BNIP3: variants seen among roughly 807,000 people sequenced by gnomAD.
The protein encoded by BNIP3 is BCL2/adenovirus E1B 19 kDa protein-interacting protein 3.
BNIP3 carries 16 observed loss-of-function variants against 23.9 expected under a neutral mutation model. The ratio of observed to expected loss-of-function variants is 0.67; its 90% CI spans 0.45 to 1.01. The LOEUF is 1.01. Ranked by LOEUF, BNIP3 falls within the 50% of genes least tolerant of loss-of-function variation. The pLI is 0.00. For missense variants in BNIP3, 198 were observed against 248.7 expected (o/e 0.80, Z 1.37); for synonymous variants, 81 against 89.3 (o/e 0.91, Z 0.53).
At position 131,970,900 on chromosome 10, in the gene BNIP3, C is replaced by T. The variant is rs2037026164; in HGVS notation, c.353G>A (p.Trp118Ter). 1 of 1,614,150 alleles carries T rather than the reference C, an allele frequency of 6.2e-7. No homozygotes were observed. The highest frequency in any genetic ancestry group is 1.7e-5 in the Admixed American group (1 of 60,014). The change falls in exon 4 of 6, where the codon TGG (tryptophan) becomes TAG (stop). Residue 118 changes from tryptophan (W) to a stop codon, truncating the protein, a stop_gained. Coordinates refer to ENST00000368636, the MANE Select transcript of BNIP3 (RefSeq NM_004052.4). LOFTEE classifies it high-confidence loss of function. The surrounding 1 kb of genome is among the most constrained non-coding windows in gnomAD (Gnocchi z 4.1). The part of the protein sequence containing the change: ...SILKKNSDWI[W>*]DWSSRPENIP... ...ATTTTCCGGCCGACTTGACCAATCCCATATCCAATCTGAGTTTTTCTTCAA... is the reference window on the plus strand; with the variant it reads ...ATTTTCCGGCCGACTTGACCAATCCTATATCCAATCTGAGTTTTTCTTCAA...
At chr10:131,978,215 A>G (rs2037094390) in intron 1 of BNIP3, among the ~76,000 whole-genome samples, 1 of 152,188 alleles carries the variant, frequency 6.6e-6, no homozygotes, top group African/African-American at 2.4e-5. Context: ...CAAGACACAC[A>G]GCCAGTAAAT....
In BNIP3 at chr10:131,970,612, A is replaced by G; in HGVS notation, c.539+26T>C. 6.2e-7 allele frequency: 1 copy of G among 1,610,352 alleles called. No homozygotes were observed. Among genetic ancestry groups the G allele is most frequent in the Non-Finnish European group, 8.5e-7 (1 of 1,177,920 alleles). Reference sequence around the variant, plus strand: ...GAATCGCCCCACGACATGCCATGACAGGAGTCACACAGTCACATCACCTAC... The same window carrying G: ...GAATCGCCCCACGACATGCCATGACGGGAGTCACACAGTCACATCACCTAC... On this transcript the variant is annotated intron_variant, in intron 5 of 5. Coordinates refer to ENST00000368636, the MANE Select transcript of BNIP3 (RefSeq NM_004052.4). The surrounding 1 kb of genome is among the most constrained non-coding windows in gnomAD (Gnocchi z 4.1).
In BNIP3 at chr10:131,970,366, G is replaced by C; in HGVS notation, c.539+272C>G. 1.9e-6 allele frequency: 1 copy of C among 518,372 alleles called. No individual in the cohort carries two copies. Among genetic ancestry groups the C allele is most frequent in the Non-Finnish European group, 3.4e-6 (1 of 290,042 alleles). The allele number at this position is 518,372 out of a possible 1,614,324, so 32.1% of individuals were successfully genotyped here. On this transcript the variant is annotated intron_variant, in intron 5 of 5. Transcript: ENST00000368636. The surrounding 1 kb of genome is among the most constrained non-coding windows in gnomAD (Gnocchi z 4.1). ...CACAGGACAAAGAGGTCAGACCTAA[G>C]AAGCCCTGCTTTGACTCCGTTTATA... is the stretch of plus-strand genomic sequence containing the variant.
In BNIP3 at chr10:131,970,888, CT is replaced by C; in HGVS notation, c.364del (p.Ser122ValfsTer24). ...CTTGGGGGGAATATTTTCCGGCCGA[CT>C]TGACCAATCCCATATCCAATCTGAG... is the stretch of plus-strand genomic sequence containing the variant. The part of the protein sequence containing the change: ...KNSDWIWDWS[S>X]RPENIPPKEF... On this transcript the variant is annotated frameshift_variant, in exon 4 of 6. Transcript: ENST00000368636. LOFTEE classifies it high-confidence loss of function. This position sits in a 1 kb window ranked among gnomAD's most constrained non-coding sequence, Gnocchi z 4.1. 1.2e-6 allele frequency: 2 copies of C among 1,614,272 alleles called. No homozygotes were observed. The highest frequency in any genetic ancestry group is 1.7e-6 in the Non-Finnish European group (2 of 1,180,054).
At position 131,973,055 on chromosome 10, in the gene BNIP3, A is replaced by G. The variant is rs762747555; in HGVS notation, c.261T>C (p.Ile87=). The change falls in exon 3 of 6, where the codon ATT becomes ATC. Residue 87 remains isoleucine, a synonymous_variant. Transcript: ENST00000368636. ...NRASETDTHS[I]GEKNSSQSEE... is the part of the protein sequence containing the mutation. ...TTACCTGTGAGCTGTTTTTCTCTCC[A>G]ATGCTATGGGTATCTGTTTCAGAAG... The G allele has an allele frequency of 1.2e-6, 2 of 1,613,424 alleles. No homozygotes were observed. Among genetic ancestry groups the G allele is most frequent in the Non-Finnish European group, 1.7e-6 (2 of 1,179,546 alleles).
At chr10:131,978,282 A>G (rs928630088) in intron 1 of BNIP3, among the ~76,000 whole-genome samples, 2 of 151,978 alleles carry the variant, frequency 1.3e-5, no homozygotes, top group Admixed American at 1.3e-4. Flanking sequence ...GACTATAAAT[A>G]TTTATATCAC....
In BNIP3 at chr10:131,981,389, A is replaced by G. The variant is rs1414301722; in HGVS notation, c.46+372T>C. 9 of 321,342 alleles carry G rather than the reference A, an allele frequency of 2.8e-5. No homozygotes were observed. In the South Asian group the frequency reaches 8.5e-4, roughly 30 times the overall value. 19.9% of individuals were successfully genotyped at this position (321,342 alleles called of 1,614,324 possible). A position where few individuals can be genotyped will look rare whatever the true frequency, so the allele number is the denominator to read the frequency against. ...ATTAAAACCAATACTGGTCTGAACT[A>G]CAGACCGCGGAGGGCAACGTGGACT... On this transcript the variant is annotated intron_variant, in intron 1 of 5. Coordinates refer to ENST00000368636, the MANE Select transcript of BNIP3 (RefSeq NM_004052.4).
At chr10:131,975,570 G>A (rs1040112473) in intron 1 of BNIP3, among the ~76,000 whole-genome samples, 4 of 152,250 alleles carry the variant, frequency 2.6e-5, no homozygotes, top group Admixed American at 6.5e-5. Context: ...CTCTTCATCC[G>A]TCATGTTCGC....
At chr10:131,968,733 C>A in intron 5 of BNIP3, 164 bp from the exon 6 acceptor site, 1 of 561,238 alleles carries the variant, frequency 1.8e-6, no homozygotes, top group Non-Finnish European at 3.2e-6. Context: ...GATCTTTTAT[C>A]TAGTGTTTTA....
At chr10:131,973,374 C>T in intron 2 of BNIP3, 1 of 510,944 alleles carries the variant, frequency 2.0e-6, no homozygotes, top group Non-Finnish European at 3.5e-6. Flanking sequence ...GCTTTGTCAC[C>T]TGCCGCCTTC....
At chr10:131,968,681 A>G in intron 5 of BNIP3, 112 bp from the exon 6 acceptor site, 2 of 827,248 alleles carry the variant, frequency 2.4e-6, no homozygotes, top group Non-Finnish European at 3.9e-6. Context: ...GGGACTGGTG[A>G]TTTTATACCC....
At chr10:131,980,679 T>A in intron 1 of BNIP3, 1 of 145,696 alleles carries the variant, frequency 6.9e-6, no homozygotes, top group Non-Finnish European at 1.5e-5. Flanking sequence ...TAGTAAAATC[T>A]TTTTTTTTGT....
Position 131,980,710 on chromosome 10 carries a change from A to G in BNIP3, c.46+1051T>C, listed in dbSNP as rs561220072. 2.0e-4 allele frequency: 30 copies of G among 152,182 alleles called. No homozygotes were observed. In the East Asian group the frequency reaches 5.8e-3, roughly 29 times the overall value. The allele number at this position is 152,182 out of a possible 1,614,324, so 9.4% of individuals were successfully genotyped here. A position where few individuals can be genotyped will look rare whatever the true frequency, so the allele number is the denominator to read the frequency against. ...TTTGTAATAAAATTAGCAACTCACTAAATTTATGTGAATATATGGTTTTAA... is the reference window on the plus strand; with the variant it reads ...TTTGTAATAAAATTAGCAACTCACTGAATTTATGTGAATATATGGTTTTAA... On this transcript the variant is annotated intron_variant, in intron 1 of 5. Transcript: ENST00000368636.
At chr10:131,981,216 C>A (rs1229036934) in intron 1 of BNIP3, 1 of 153,418 alleles carries the variant, frequency 6.5e-6, no homozygotes, top group Non-Finnish European at 1.5e-5. Flanking sequence ...GGAACATGCC[C>A]ATTTAATGCC....
At chr10:131,978,381 TAA>T (rs11484265) in intron 1 of BNIP3, among the ~76,000 whole-genome samples, 97 of 134,700 alleles carry the variant, frequency 7.2e-4, no homozygotes, top group Non-Finnish European at 5.4e-4. Flanking sequence ...TCACTTTGTG[TAA>T]AAAAAAAAAA....
In BNIP3 at chr10:131,976,606, G is replaced by A. The variant is rs901296987; in HGVS notation, c.47-2663C>T. On this transcript the variant is annotated intron_variant, in intron 1 of 5. Transcript: ENST00000368636. This position sits in a 1 kb window ranked among gnomAD's most constrained non-coding sequence, Gnocchi z 4.3. ...GCCCAGATCCCCACCTACCCCACAC[G>A]TCCCAACCCTAACCCCAACCACACT... 3.3e-5 allele frequency among the ~76,000 whole-genome samples: 5 copies of A among 151,816 alleles called. No homozygotes were observed. The highest frequency in any genetic ancestry group is 9.7e-5 in the African/African-American group (4 of 41,308).
intron 2 of BNIP3, 199 bp from the exon 3 acceptor site, chr10:131,973,317 C>T: frequency 2.0e-5 from 11 of 563,384 alleles, no homozygotes. Context: ...CAGGAGTGAG[C>T]TAGCCAGTCT....
chr10:131,970,494 C>T lies in BNIP3; in HGVS notation c.539+144G>A. 8.1e-7 allele frequency: 1 copy of T among 1,227,786 alleles called. No individual in the cohort carries two copies. The highest frequency in any genetic ancestry group is 1.1e-6 in the Non-Finnish European group (1 of 902,142). 76.1% of individuals were successfully genotyped at this position (1,227,786 alleles called of 1,614,324 possible). A position where few individuals can be genotyped will look rare whatever the true frequency, so the allele number is the denominator to read the frequency against. On this transcript the variant is annotated intron_variant, in intron 5 of 5. Transcript: ENST00000368636. The surrounding 1 kb of genome is among the most constrained non-coding windows in gnomAD (Gnocchi z 4.1). ...CAGGCTGGTGGTTTCTGGACCTGAA[C>T]AGTGACTACGTGGGTGTTTGTGAAA...
intron 1 of BNIP3, chr10:131,981,479 G>C: frequency 2.4e-6 from 1 of 423,352 alleles, no homozygotes; most frequent in Non-Finnish European, 4.2e-6. Context: ...AGCTCGCGCG[G>C]AGCTGGAGAA....
Sources: gnomAD v4.1 joint callset for allele counts (sites outside exome capture counted in the v4.1 genomes callset) on GRCh38, gnomAD v4.1.1 for gene constraint, Gnocchi (gnomAD v3.1) non-coding constraint, MANE v1.5 for transcripts, NCBI Gene and HGNC (gene_info 2026-07-23, HGNC 2026-07-21) for gene names.